The following KCNIP4 variants were observed in gnomAD, a reference collection of about 807,000 sequenced individuals.
KCNIP4 encodes the protein Kv channel-interacting protein 4.
KCNIP4 carries 12 observed loss-of-function variants against 34.0 expected under a neutral mutation model. The observed-to-expected ratio is 0.35, with a 90% CI of 0.23 to 0.57. KCNIP4 has a LOEUF of 0.57. Ranked by LOEUF, KCNIP4 falls within the 20% of genes least tolerant of loss-of-function variation. The pLI is 0.83. For synonymous variants in KCNIP4, 124 were observed against 102.2 expected (o/e 1.21, Z -1.29); for missense variants, 238 against 311.7 (o/e 0.76, Z 1.78).
At chr4:21,901,181 G>A (rs751171338) in intron 1 of KCNIP4, among the ~76,000 whole-genome samples, 16 of 152,290 alleles carry the variant, frequency 1.1e-4, no homozygotes, top group Non-Finnish European at 1.9e-4. Flanking sequence ...AACATATAGT[G>A]TGCACTTAAC....
intron 1 of KCNIP4, among the ~76,000 whole-genome samples, chr4:21,878,617 A>AT (rs1440352182): frequency 6.6e-6 from 1 of 152,212 alleles, no homozygotes; most frequent in Non-Finnish European, 1.5e-5. Context: ...TGCTTTCAAC[A>AT]TTATTTTAGC....
intron 1 of KCNIP4, among the ~76,000 whole-genome samples, chr4:21,499,330 CAA>C (rs527385773): frequency 2.3e-4 from 23 of 98,208 alleles, no homozygotes; most frequent in Middle Eastern, 5.7e-3. Context: ...GACTCCATCT[CAA>C]AAAAAAAAAA....
intron 1 of KCNIP4, among the ~76,000 whole-genome samples, chr4:21,387,401 A>G (rs1261828578): frequency 6.6e-6 from 1 of 152,154 alleles, no homozygotes; most frequent in African/African-American, 2.4e-5. Context: ...GCTTAATTGC[A>G]GTATTAACTT....
At chr4:21,124,988 G>A (rs916101371) in intron 1 of KCNIP4, among the ~76,000 whole-genome samples, 16 of 151,106 alleles carry the variant, frequency 1.1e-4, no homozygotes, top group East Asian at 7.8e-4. Flanking sequence ...AGAATTCCCC[G>A]GTGAAGTCAG....
intron 1 of KCNIP4, among the ~76,000 whole-genome samples, chr4:21,541,873 G>A (rs192021556): frequency 6.6e-6 from 1 of 151,998 alleles, no homozygotes; most frequent in East Asian, 1.9e-4. Context: ...CAACTCCTGG[G>A]CTCAAGCAAT....
chr4:21,907,941 T>G (rs1204564178), intron 1 of KCNIP4, among the ~76,000 whole-genome samples: 2 of 152,138 alleles, frequency 1.3e-5, no homozygotes, highest in African/African-American at 4.8e-5. Flanking sequence ...AGTTGAAGAA[T>G]CGGCAAAAAC....
chr4:21,228,199 T>C (rs10029670), intron 1 of KCNIP4, among the ~76,000 whole-genome samples: 14,759 of 152,132 alleles, frequency 0.097, 2,300 homozygotes, highest in African/African-American at 0.33. Flanking sequence ...TGGGAGGTCA[T>C]TGAATCATGT....
chr4:21,061,045 T>G (rs1743873084), intron 1 of KCNIP4, among the ~76,000 whole-genome samples: 1 of 152,156 alleles, frequency 6.6e-6, no homozygotes, highest in South Asian at 2.1e-4. Context: ...TTATAACATT[T>G]TATTCCCAGT....
chr4:21,208,231 T>C (rs1349598440), intron 1 of KCNIP4, among the ~76,000 whole-genome samples: 1 of 152,222 alleles, frequency 6.6e-6, no homozygotes, highest in Non-Finnish European at 1.5e-5. Flanking sequence ...AATTTTGTCC[T>C]CCATTCCATA....
At chr4:21,751,576 TG>T (rs1717154442) in intron 1 of KCNIP4, among the ~76,000 whole-genome samples, 1 of 152,196 alleles carries the variant, frequency 6.6e-6, no homozygotes, top group Admixed American at 6.6e-5. Context: ...TAAGCTCTAT[TG>T]TACTATTCAG....
intron 1 of KCNIP4, among the ~76,000 whole-genome samples, chr4:21,273,785 G>A (rs1039052869): frequency 2.8e-4 from 43 of 151,652 alleles, no homozygotes; most frequent in African/African-American, 9.5e-4. Context: ...TGGATCACTC[G>A]TTTCTATATA....
intron 1 of KCNIP4, chr4:21,843,618 T>C (rs956035853): frequency 6.6e-6 from 1 of 152,014 alleles, no homozygotes; most frequent in Non-Finnish European, 1.5e-5. Flanking sequence ...CTGAACCAAC[T>C]GGCCCTGCTA....
intron 1 of KCNIP4, among the ~76,000 whole-genome samples, chr4:21,361,493 A>T (rs1719216761): frequency 6.6e-6 from 1 of 152,224 alleles, no homozygotes; most frequent in South Asian, 2.1e-4. Flanking sequence ...TACTAAAAAA[A>T]AAATTACTCT....
At chr4:20,756,082 G>A (rs1177917340) in intron 4 of KCNIP4, among the ~76,000 whole-genome samples, 1 of 152,078 alleles carries the variant, frequency 6.6e-6, no homozygotes, top group Non-Finnish European at 1.5e-5. Context: ...ATGGTTAGGG[G>A]AGGGGTCATC....
intron 1 of KCNIP4, among the ~76,000 whole-genome samples, chr4:21,534,532 A>G (rs764248916): frequency 1.3e-5 from 2 of 152,088 alleles, no homozygotes; most frequent in Admixed American, 6.6e-5. Context: ...CATATTGAAA[A>G]CCAAATCATC....
At chr4:20,899,056 A>G (rs1365480851) in intron 1 of KCNIP4, among the ~76,000 whole-genome samples, 1 of 152,230 alleles carries the variant, frequency 6.6e-6, no homozygotes, top group Non-Finnish European at 1.5e-5. Flanking sequence ...AAACAATAAC[A>G]TAAATGCAGA....
chr4:21,592,363 C>T (rs956315283), intron 1 of KCNIP4, among the ~76,000 whole-genome samples: 14 of 151,936 alleles, frequency 9.2e-5, no homozygotes, highest in Admixed American at 3.3e-4. Flanking sequence ...TAAGATATCT[C>T]GTTTGGTTAT....
intron 1 of KCNIP4, among the ~76,000 whole-genome samples, chr4:21,169,999 TTCTG>T (rs1056138222): frequency 3.3e-5 from 5 of 152,162 alleles, no homozygotes; most frequent in Non-Finnish European, 7.4e-5. Flanking sequence ...CAAATTAAAC[TTCTG>T]TCTATCAGAG....
At chr4:21,306,279 G>T (rs894149157) in intron 1 of KCNIP4, among the ~76,000 whole-genome samples, 1 of 152,172 alleles carries the variant, frequency 6.6e-6, no homozygotes, top group Admixed American at 6.5e-5. Context: ...ATCCAACAGG[G>T]CTTTAAATGA....
Sources: gnomAD v4.1 joint callset for allele counts (sites outside exome capture counted in the v4.1 genomes callset) on GRCh38, gnomAD v4.1.1 for gene constraint, MANE v1.5 for transcripts, NCBI Gene and HGNC (gene_info 2026-07-23, HGNC 2026-07-21) for gene names.